The following CCSER1 variants were observed in gnomAD, a reference collection of about 807,000 sequenced individuals.
CCSER1 encodes coiled-coil serine rich protein 1.
In CCSER1, 41 loss-of-function variants were observed where a neutral mutation model predicts 82.0. That is an observed-to-expected ratio of 0.50 (90% CI 0.39 to 0.65). The LOEUF is 0.65. Ranked by LOEUF, CCSER1 falls within the 30% of genes least tolerant of loss-of-function variation. The probability of loss-of-function intolerance (pLI) is 0.00; values close to 1 mark genes in which losing one functional copy is unlikely to be tolerated. For missense variants in CCSER1, 1,119 were observed against 1,064.2 expected, an observed-to-expected ratio of 1.05 and a Z score of -0.72; for synonymous variants, 414 against 383.9, an observed-to-expected ratio of 1.08 and a Z score of -0.92.
chr4:90,649,949 A>C (rs1728410666), intron 6 of CCSER1, among the ~76,000 whole-genome samples: 1 of 152,006 alleles, frequency 6.6e-6, no homozygotes, highest in African/African-American at 2.4e-5. Flanking sequence ...TGCTAAACAA[A>C]AATTAGCCTG....
At chr4:91,095,752 G>A (rs1724444924) in intron 10 of CCSER1, among the ~76,000 whole-genome samples, 2 of 152,104 alleles carry the variant, frequency 1.3e-5, no homozygotes, top group African/African-American at 4.8e-5. Context: ...GTGGCCTTCT[G>A]AGCCCCTTTT....
intron 10 of CCSER1, among the ~76,000 whole-genome samples, chr4:91,237,841 G>C (rs908480993): frequency 6.6e-6 from 1 of 152,176 alleles, no homozygotes; most frequent in African/African-American, 2.4e-5. Context: ...AGAATCTTTA[G>C]TAAATTCGAG....
Position 90,644,224 on chromosome 4 carries a change from T to G in CCSER1, c.1932+15992T>G, listed in dbSNP as rs141587438. Among the ~76,000 whole-genome samples, 265 of 152,306 alleles carry G rather than the reference T, an allele frequency of 1.7e-3. 2 individuals carry two copies. The highest frequency in any genetic ancestry group is 6.3e-3 in the African/African-American group (260 of 41,572). ...ATTTGCGTATATGTAATGAGATATCTTGGGAATGGGACACAAGTCTAAACA... is the reference window on the plus strand; with the variant it reads ...ATTTGCGTATATGTAATGAGATATCGTGGGAATGGGACACAAGTCTAAACA... On this transcript the variant is annotated intron_variant, in intron 6 of 10. Coordinates refer to ENST00000509176, the MANE Select transcript of CCSER1 (RefSeq NM_001145065.2).
intron 9 of CCSER1, among the ~76,000 whole-genome samples, chr4:91,003,921 T>C (rs1198937558): frequency 3.3e-5 from 5 of 152,180 alleles, no homozygotes; most frequent in Admixed American, 2.6e-4. Flanking sequence ...TACTTCTGCA[T>C]TTCACTTGGT....
chr4:90,863,397 C>T (rs1765332609), intron 8 of CCSER1, among the ~76,000 whole-genome samples: 1 of 151,730 alleles, frequency 6.6e-6, no homozygotes, highest in African/African-American at 2.4e-5. Flanking sequence ...TTTCCTCTGC[C>T]TCCAGTTCAA....
At chr4:91,379,828 A>T (rs1028120299) in intron 10 of CCSER1, among the ~76,000 whole-genome samples, 5 of 152,002 alleles carry the variant, frequency 3.3e-5, no homozygotes, top group Non-Finnish European at 5.9e-5. Context: ...AGTTCTTTTA[A>T]TTGTGATGTT....
intron 10 of CCSER1, among the ~76,000 whole-genome samples, chr4:91,118,437 G>C (rs571062431): frequency 6.6e-6 from 1 of 151,850 alleles, no homozygotes; most frequent in Non-Finnish European, 1.5e-5. Flanking sequence ...ACTGCACTTG[G>C]CTAATTTTTA....
intron 8 of CCSER1, among the ~76,000 whole-genome samples, chr4:90,921,838 T>C (rs1453008698): frequency 6.6e-6 from 1 of 152,062 alleles, no homozygotes; most frequent in African/African-American, 2.4e-5. Context: ...ATCTCAAAAG[T>C]AGATAATCAA....
At chr4:91,307,077 AAGTATCAC>A (rs1430557245) in intron 10 of CCSER1, among the ~76,000 whole-genome samples, 2 of 151,958 alleles carry the variant, frequency 1.3e-5, no homozygotes, top group Admixed American at 6.6e-5. Context: ...TTTCATTCTT[AAGTATCAC>A]AACAATCTAT....
At chr4:90,645,160 C>T (rs954003322) in intron 6 of CCSER1, among the ~76,000 whole-genome samples, 1 of 151,810 alleles carries the variant, frequency 6.6e-6, no homozygotes, top group Non-Finnish European at 1.5e-5. Context: ...ACTTCTTATC[C>T]ACCTTTCTAA....
At chr4:90,923,683 C>T (rs1257456175) in intron 9 of CCSER1, among the ~76,000 whole-genome samples, 1 of 152,146 alleles carries the variant, frequency 6.6e-6, no homozygotes, top group Admixed American at 6.5e-5. Flanking sequence ...AATTTTGGTA[C>T]AGTCTTTTGA....
At chr4:90,835,572 C>G (rs1056573514) in intron 8 of CCSER1, among the ~76,000 whole-genome samples, 9 of 152,114 alleles carry the variant, frequency 5.9e-5, no homozygotes, top group African/African-American at 2.2e-4. Context: ...GCTGTTCATA[C>G]ATGGGATTTG....
At chr4:91,305,347 C>G (rs2149245274) in intron 10 of CCSER1, among the ~76,000 whole-genome samples, 1 of 151,952 alleles carries the variant, frequency 6.6e-6, no homozygotes. Context: ...ATTTGGTATG[C>G]AAAATATTTG....
At chr4:90,452,248 A>G (rs959276673) in intron 4 of CCSER1, among the ~76,000 whole-genome samples, 1 of 152,066 alleles carries the variant, frequency 6.6e-6, no homozygotes, top group Non-Finnish European at 1.5e-5. Flanking sequence ...TTGCACTACT[A>G]TCTGTTCGCA....
chr4:90,799,252 G>C (rs1756456584), intron 7 of CCSER1, among the ~76,000 whole-genome samples: 2 of 152,172 alleles, frequency 1.3e-5, no homozygotes, highest in Admixed American at 6.5e-5. Flanking sequence ...TCACTGTGCA[G>C]TATTAGCACA....
intron 10 of CCSER1, among the ~76,000 whole-genome samples, chr4:91,172,311 G>GA (rs1403411607): frequency 3.3e-5 from 5 of 152,010 alleles, no homozygotes; most frequent in African/African-American, 1.2e-4. Context: ...GTTACAGAGA[G>GA]AAAAAAGGAG....
intron 1 of CCSER1, 144 bp from the exon 2 acceptor site, chr4:90,308,100 T>C: frequency 1.8e-6 from 1 of 552,876 alleles, no homozygotes. Flanking sequence ...AAAAAATCTT[T>C]ATTAGGTATC....
At chr4:90,862,862 A>G (rs536911130) in intron 8 of CCSER1, among the ~76,000 whole-genome samples, 1 of 150,258 alleles carries the variant, frequency 6.7e-6, no homozygotes, top group Admixed American at 6.7e-5. Flanking sequence ...AGGTTCAGAA[A>G]ACCCGTATTA....
chr4:90,521,160 T>A (rs1339990059), intron 5 of CCSER1, among the ~76,000 whole-genome samples: 1 of 152,058 alleles, frequency 6.6e-6, no homozygotes, highest in Non-Finnish European at 1.5e-5. Flanking sequence ...TTCTTGTGCT[T>A]CTCTTAAGTT....
Sources: allele counts gnomAD v4.1 joint callset (sites outside exome capture counted in the v4.1 genomes callset), GRCh38; gene constraint gnomAD v4.1.1; transcripts MANE v1.5; gene names NCBI Gene and HGNC (gene_info 2026-07-23, HGNC 2026-07-21).